The following ETV6 variants were observed in gnomAD, a reference collection of about 807,000 sequenced individuals.
ETV6 encodes the protein transcription factor ETV6.
Under a neutral mutation model 51.1 loss-of-function variants are expected in ETV6, and 16 were observed. The ratio of observed to expected loss-of-function variants is 0.31; its 90% CI spans 0.21 to 0.48. The LOEUF is 0.48. Ranked by LOEUF, ETV6 falls within the 20% of genes least tolerant of loss-of-function variation. The pLI, the probability that ETV6 is intolerant of heterozygous loss-of-function variation, is 0.99. For synonymous variants in ETV6, 240 were observed against 224.1 expected, an observed-to-expected ratio of 1.07 and a Z score of -0.64; for missense variants, 458 against 594.8, an observed-to-expected ratio of 0.77 and a Z score of 2.39.
intron 2 of ETV6, among the ~76,000 whole-genome samples, chr12:11,755,346 AT>A (rs1591651682): frequency 6.6e-6 from 1 of 152,154 alleles, no homozygotes. Flanking sequence ...TATGGTAATG[AT>A]TTTGCCTGAA....
chr12:11,865,311 A>G (rs1946776934), intron 4 of ETV6, among the ~76,000 whole-genome samples: 1 of 151,916 alleles, frequency 6.6e-6, no homozygotes, highest in South Asian at 2.1e-4. Context: ...TAAAATCATA[A>G]TAGAACCATC....
intron 1 of ETV6, among the ~76,000 whole-genome samples, chr12:11,682,101 G>C (rs1269359797): frequency 6.6e-6 from 1 of 152,116 alleles, no homozygotes; most frequent in African/African-American, 2.4e-5. Context: ...GGGATTGCTG[G>C]GTCAAATGGT....
At chr12:11,750,979 A>C in intron 1 of ETV6, 1 of 403,102 alleles carries the variant, frequency 2.5e-6, no homozygotes, top group Non-Finnish European at 4.9e-6. Context: ...CCAGAAATGA[A>C]ACCTGGGATA....
At chr12:11,840,795 T>C (rs1946378154) in intron 3 of ETV6, 1 of 280,344 alleles carries the variant, frequency 3.6e-6, no homozygotes, top group African/African-American at 2.2e-5. Flanking sequence ...TTGTCTCATA[T>C]CATCAATTCT....
rs1247607030 is a variant in ETV6 at position 11,672,453 on chromosome 12, T to TGCA, written c.33+22294_33+22295insCAG. On this transcript the variant is annotated intron_variant, in intron 1 of 7. Coordinates refer to ENST00000396373, the MANE Select transcript of ETV6 (RefSeq NM_001987.5). ...AACCACAAATATCTGCACGTGAAGG[T>TGCA]GATTTACGCTCTTGCCAGCCCCCCT... Among the ~76,000 whole-genome samples the TGCA allele has an allele frequency of 2.6e-5, 4 of 152,110 alleles. No homozygotes were observed. The East Asian group carries it at 5.8e-4, about 22-fold the overall frequency.
At chr12:11,838,421 C>T (rs188145693) in intron 2 of ETV6, among the ~76,000 whole-genome samples, 1 of 152,170 alleles carries the variant, frequency 6.6e-6, no homozygotes, top group Non-Finnish European at 1.5e-5. Flanking sequence ...CTGCTCTGTA[C>T]CCCCCTCCTG....
At chr12:11,878,455 A>T (rs1018737255) in intron 5 of ETV6, among the ~76,000 whole-genome samples, 2 of 152,090 alleles carry the variant, frequency 1.3e-5, no homozygotes, top group Non-Finnish European at 2.9e-5. Flanking sequence ...AGCAAAGCGG[A>T]GGCTGGGCCT....
At chr12:11,745,692 G>A (rs943821887) in intron 1 of ETV6, among the ~76,000 whole-genome samples, 1 of 152,188 alleles carries the variant, frequency 6.6e-6, no homozygotes, top group African/African-American at 2.4e-5. Context: ...GATGTTGGCA[G>A]GCTTCTTTCC....
intron 2 of ETV6, among the ~76,000 whole-genome samples, chr12:11,827,605 G>A (rs781749420): frequency 1.3e-4 from 20 of 152,008 alleles, no homozygotes; most frequent in Non-Finnish European, 2.5e-4. Context: ...GTGATTATCA[G>A]GACTGTCTCC....
At chr12:11,727,052 AGG>A (rs1865502616) in intron 1 of ETV6, among the ~76,000 whole-genome samples, 1 of 152,252 alleles carries the variant, frequency 6.6e-6, no homozygotes, top group Non-Finnish European at 1.5e-5. Context: ...ATTCAGAGAA[AGG>A]GCACGCACAG....
intron 2 of ETV6, among the ~76,000 whole-genome samples, chr12:11,776,493 CT>C (rs1945327467): frequency 6.6e-6 from 1 of 151,942 alleles, no homozygotes; most frequent in Non-Finnish European, 1.5e-5. Context: ...TATCCTCCTG[CT>C]GTGGCCGCCC....
intron 3 of ETV6, among the ~76,000 whole-genome samples, chr12:11,843,738 A>C (rs139540966): frequency 6.6e-6 from 1 of 152,226 alleles, no homozygotes; most frequent in East Asian, 1.9e-4. Context: ...CAGCTTAACA[A>C]ATTTATCGCA....
chr12:11,773,209 A>AAAAAG (rs1565520558), intron 2 of ETV6, among the ~76,000 whole-genome samples: 5 of 135,564 alleles, frequency 3.7e-5, no homozygotes, highest in Non-Finnish European at 3.2e-5. Context: ...AAAAAAAAAA[A>AAAAAG]AAATGAAATC....
intron 2 of ETV6, among the ~76,000 whole-genome samples, chr12:11,807,130 G>A (rs907598769): frequency 6.6e-6 from 1 of 152,232 alleles, no homozygotes; most frequent in African/African-American, 2.4e-5. Flanking sequence ...AGTTATCCAT[G>A]AAAAGACCGT....
intron 1 of ETV6, among the ~76,000 whole-genome samples, chr12:11,670,161 A>C (rs1186171619): frequency 1.3e-5 from 2 of 152,208 alleles, no homozygotes; most frequent in Non-Finnish European, 2.9e-5. Context: ...TTCATGGCCA[A>C]AATTTGCCAC....
At chr12:11,820,455 G>A (rs916409467) in intron 2 of ETV6, among the ~76,000 whole-genome samples, 4 of 152,130 alleles carry the variant, frequency 2.6e-5, no homozygotes, top group African/African-American at 9.7e-5. Flanking sequence ...AATGCTAAGA[G>A]AAAACAAAAA....
rs770126047 is a variant in ETV6, at chr12:11,650,172, C to T, written c.33+12C>T. ...AGTGTAGCATTAAGGTAAAAATCTT[C>T]TCCCCTCCTTCTACGTGGTGGAAAC... On this transcript the variant is annotated intron_variant, in intron 1 of 7. Transcript: ENST00000396373. 1.2e-6 allele frequency: 2 copies of T among 1,611,850 alleles called. No homozygotes were observed. The highest frequency in any genetic ancestry group is 1.7e-5 in the Admixed American group (1 of 60,010).
At chr12:11,704,804 G>A (rs1865043360) in intron 1 of ETV6, among the ~76,000 whole-genome samples, 1 of 151,846 alleles carries the variant, frequency 6.6e-6, no homozygotes, top group Non-Finnish European at 1.5e-5. Context: ...TGTGGGACAA[G>A]AACAACTAAA....
At chr12:11,702,628 C>T (rs1187402422) in intron 1 of ETV6, among the ~76,000 whole-genome samples, 3 of 141,954 alleles carry the variant, frequency 2.1e-5, no homozygotes, top group Admixed American at 7.0e-5. Flanking sequence ...AGAAGTCAAA[C>T]AAAAATTTCA....
Sources: gnomAD v4.1 joint callset for allele counts (sites outside exome capture counted in the v4.1 genomes callset) on GRCh38, gnomAD v4.1.1 for gene constraint, MANE v1.5 for transcripts, NCBI Gene and HGNC (gene_info 2026-07-23, HGNC 2026-07-21) for gene names.